DNAH10: variants seen among roughly 807,000 people sequenced by gnomAD.
DNAH10 encodes axonemal beta dynein heavy chain 10.
DNAH10 carries 348 observed loss-of-function variants against 506.6 expected under a neutral mutation model. That is an observed-to-expected ratio of 0.69 (90% CI 0.63 to 0.75). The LOEUF (loss-of-function observed/expected upper bound fraction) is 0.75. DNAH10 is among the 30% of genes least tolerant of loss of function. The pLI is 0.00. For synonymous variants in DNAH10, 2,059 were observed against 2,198.6 expected (o/e 0.94, Z 1.78); for missense variants, 5,179 against 5,787.1 (o/e 0.89, Z 3.41).
chr12:123,833,336 G>A lies in DNAH10; in HGVS notation c.4768G>A (p.Glu1590Lys), dbSNP rs1960780948. The change falls in exon 27 of 79, where the codon GAA (glutamate) becomes AAA (lysine). Residue 1590 changes from glutamate (E) to lysine (K), a missense_variant. Glu to Lys is a moderately conservative substitution (Grantham distance 56, BLOSUM62 1). This residue lies in a region of DNAH10 where 4,844 missense variants were observed against 5,430.5 expected (regional missense o/e 0.89). Transcript: ENST00000673944. ...GGAAAAAACGCTTTCTCTAATAGGG[G>A]AAGTCATTGAGGTGAGAGAAAAGAT... ...KWEKTLSLIGEVIEIWMLVQR... is the reference protein window; with the variant it reads ...KWEKTLSLIGKVIEIWMLVQR... 3.7e-6 allele frequency: 6 copies of A among 1,610,396 alleles called. No individual in the cohort carries two copies. The highest frequency in any genetic ancestry group is 1.7e-6 in the Non-Finnish European group (2 of 1,178,122).
At chr12:123,887,967 A>G (rs530917556) in intron 52 of DNAH10, among the ~76,000 whole-genome samples, 26 of 152,248 alleles carry the variant, frequency 1.7e-4, no homozygotes, top group African/African-American at 6.3e-4. Context: ...GATGGTCTCG[A>G]TCTCCTGACC....
In DNAH10 at chr12:123,859,334, G is replaced by C. The variant is rs1055903655; in HGVS notation, c.6749+66G>C. Reference sequence around the variant, plus strand: ...GGCTCACAGTATATGTTTGGTGCCAGTATTACCAAGTCCCACTTTGCTCTC... The same window carrying C: ...GGCTCACAGTATATGTTTGGTGCCACTATTACCAAGTCCCACTTTGCTCTC... On this transcript the variant is annotated intron_variant, in intron 38 of 78. Transcript: ENST00000673944. 2.9e-5 allele frequency: 36 copies of C among 1,259,164 alleles called. No homozygotes were observed. In the African/African-American group the frequency reaches 3.6e-4, roughly 13 times the overall value. The allele number at this position is 1,259,164 out of a possible 1,614,324, so 78.0% of individuals were successfully genotyped here. A position where few individuals can be genotyped will look rare whatever the true frequency, so the allele number is the denominator to read the frequency against.
chr12:123,930,522 A>C lies in DNAH10; in HGVS notation c.12733A>C (p.Lys4245Gln). ...TFQPFHFFRN[K>Q]EVDYKIPVGD... ...CCAGCCATTCCACTTCTTCCGGAACAAGGAAGTGGACTACAAAATCCCTGT... is the reference window on the plus strand; with the variant it reads ...CCAGCCATTCCACTTCTTCCGGAACCAGGAAGTGGACTACAAAATCCCTGT... Residue 4245 changes from lysine (K) to glutamine (Q), a missense_variant, in exon 73 of 79, where the codon AAG becomes CAG. By Grantham distance (53) the Lys-to-Gln change is moderately conservative. This residue lies in a region of DNAH10 where 4,844 missense variants were observed against 5,430.5 expected (regional missense o/e 0.89). Coordinates refer to ENST00000673944, the MANE Select transcript of DNAH10 (RefSeq NM_001372106.1). 1 of 1,609,904 alleles carries C rather than the reference A, an allele frequency of 6.2e-7. No individual in the cohort carries two copies. The highest frequency in any genetic ancestry group is 1.1e-5 in the South Asian group (1 of 90,298).
chr12:123,898,903 G>A (rs552177280), intron 56 of DNAH10, 89 bp downstream of exon 56: 4 of 1,461,894 alleles, frequency 2.7e-6, no homozygotes, highest in East Asian at 2.5e-5. Flanking sequence ...AGCCCATCCC[G>A]AGCAGGACAG....
At chr12:123,912,580 G>A (rs553054721) in intron 59 of DNAH10, among the ~76,000 whole-genome samples, 23 of 152,116 alleles carry the variant, frequency 1.5e-4, no homozygotes, top group African/African-American at 4.6e-4. Context: ...CCTCCAAGCT[G>A]TGACATCCAG....
chr12:123,780,618 G>A (rs1221250096), intron 5 of DNAH10, among the ~76,000 whole-genome samples: 4 of 151,934 alleles, frequency 2.6e-5, no homozygotes, highest in Admixed American at 6.6e-5. Flanking sequence ...TCTGTGCTCC[G>A]GTTTGAGTGG....
intron 52 of DNAH10, among the ~76,000 whole-genome samples, chr12:123,892,977 G>C (rs997280762): frequency 1.3e-5 from 2 of 152,192 alleles, no homozygotes; most frequent in South Asian, 2.1e-4. Flanking sequence ...TGCTCTGCAT[G>C]CTCCCTGTGA....
intron 16 of DNAH10, 37 bp from the exon 17 acceptor site, chr12:123,803,624 G>A: frequency 6.7e-7 from 1 of 1,487,538 alleles, no homozygotes; most frequent in African/African-American, 1.4e-5. Flanking sequence ...AGACAGAGTT[G>A]GAAGCCAAAT....
At position 123,877,808 on chromosome 12, in the gene DNAH10, G is replaced by T. The variant is rs576175453; in HGVS notation, c.8272G>T (p.Val2758Leu). Residue 2758 changes from valine (V) to leucine (L), a missense_variant, in exon 48 of 79, where the codon GTG becomes TTG. Coordinates refer to ENST00000673944, the MANE Select transcript of DNAH10 (RefSeq NM_001372106.1). Reference protein sequence around the residue: ...FCTLALYKNIVQDLPPTPSKF... With the variant: ...FCTLALYKNILQDLPPTPSKF... ...CACGCTAGCACTTTACAAAAATATT[G>T]TGCAAGACCTACCTCCCACTCCGTC... 2 of 1,613,878 alleles carry T rather than the reference G, an allele frequency of 1.2e-6. No individual in the cohort carries two copies. Among genetic ancestry groups the T allele is most frequent in the South Asian group, 1.1e-5 (1 of 91,080 alleles).
chr12:123,762,598 T>C lies in DNAH10; in HGVS notation c.214+48T>C. ...CTTCCCCGGGCTTCCCTCCTGCCCGTCCCGGCCTCTCCGGCGGGCGCCGGG... is the reference window on the plus strand; with the variant it reads ...CTTCCCCGGGCTTCCCTCCTGCCCGCCCCGGCCTCTCCGGCGGGCGCCGGG... On this transcript the variant is annotated intron_variant, in intron 1 of 78. Transcript: ENST00000673944. The surrounding 1 kb of genome is among the most constrained non-coding windows in gnomAD (Gnocchi z 5.0). The C allele has an allele frequency of 6.7e-7, 1 of 1,500,820 alleles. No individual in the cohort carries two copies. The highest frequency in any genetic ancestry group is 8.9e-7 in the Non-Finnish European group (1 of 1,122,428). 93.0% of individuals were successfully genotyped at this position (1,500,820 alleles called of 1,614,324 possible).
At chr12:123,893,844 G>A (rs917240120) in intron 53 of DNAH10, among the ~76,000 whole-genome samples, 1 of 152,186 alleles carries the variant, frequency 6.6e-6, no homozygotes, top group Non-Finnish European at 1.5e-5. Context: ...GCCCCGGGGA[G>A]CATGCAGTGT....
chr12:123,887,122 G>A lies in DNAH10; in HGVS notation c.8824-20G>A. 6.3e-7 allele frequency: 1 copy of A among 1,588,922 alleles called. No individual in the cohort carries two copies. The highest frequency in any genetic ancestry group is 8.6e-7 in the Non-Finnish European group (1 of 1,167,814). On this transcript the variant is annotated intron_variant, in intron 51 of 78. Transcript: ENST00000673944. ...AGGCTGGTGGTGGTGACGCCCATGT[G>A]CTCTGTGTCTGCATCGCAGGTGTTT...
intron 4 of DNAH10, 81 bp from the exon 5 acceptor site, chr12:123,774,068 A>G: frequency 1.1e-6 from 1 of 878,890 alleles, no homozygotes. Flanking sequence ...GAAGAAGGAG[A>G]AGATTCCTGT....
At chr12:123,848,702 C>T (rs770138076) in intron 33 of DNAH10, 28 bp from the exon 34 acceptor site, 2 of 1,611,544 alleles carry the variant, frequency 1.2e-6, no homozygotes, top group African/African-American at 2.7e-5. Context: ...TGAAAATTGC[C>T]CTTGTCCTGA....
chr12:123,861,263 C>G, intron 39 of DNAH10, 93 bp downstream of exon 39: 1 of 1,445,986 alleles, frequency 6.9e-7, no homozygotes, highest in Non-Finnish European at 9.3e-7. Flanking sequence ...ATTGTAGCTT[C>G]ATGCTTGGAT....
At chr12:123,814,584 T>C (rs1263914313) in intron 21 of DNAH10, among the ~76,000 whole-genome samples, 1 of 152,060 alleles carries the variant, frequency 6.6e-6, no homozygotes, top group Non-Finnish European at 1.5e-5. Context: ...CTTCTCTAGT[T>C]TGTATTTCTC....
chr12:123,810,961 C>T (rs948150674), intron 19 of DNAH10, among the ~76,000 whole-genome samples: 8 of 151,842 alleles, frequency 5.3e-5, no homozygotes, highest in African/African-American at 1.9e-4. Context: ...TTGGTGAAGC[C>T]TGTATTATTT....
chr12:123,863,249 A>G (rs1433534674), intron 39 of DNAH10, among the ~76,000 whole-genome samples: 1 of 152,152 alleles, frequency 6.6e-6, no homozygotes, highest in East Asian at 1.9e-4. Context: ...ACAAAATGGA[A>G]CCATCCTGAA....
At chr12:123,892,619 G>A (rs570660026) in intron 52 of DNAH10, among the ~76,000 whole-genome samples, 6 of 152,352 alleles carry the variant, frequency 3.9e-5, no homozygotes, top group East Asian at 1.9e-4. Flanking sequence ...GTGAGCAGCC[G>A]TGGCCTGCCA....
Sources: gnomAD v4.1 joint callset for allele counts (sites outside exome capture counted in the v4.1 genomes callset) on GRCh38, gnomAD v4.1.1 for gene constraint, gnomAD v4.1.1 regional missense constraint, Gnocchi (gnomAD v3.1) non-coding constraint, MANE v1.5 for transcripts, NCBI Gene and HGNC (gene_info 2026-07-23, HGNC 2026-07-21) for gene names.